The following MID1 variants were observed in gnomAD, a reference collection of about 807,000 sequenced individuals.
MID1 encodes the protein E3 ubiquitin-protein ligase Midline-1.
MID1 carries 7 observed loss-of-function variants against 40.4 expected under a neutral mutation model. That is an observed-to-expected ratio of 0.17 (90% confidence interval 0.10 to 0.33). MID1 has a LOEUF of 0.33. MID1 is among the 10% of genes least tolerant of loss of function. The pLI is 1.00. For missense variants in MID1, 367 were observed against 558.5 expected (o/e 0.66, Z 3.46); for synonymous variants, 229 against 221.2 (o/e 1.04, Z -0.31).
At chrX:10,497,639 T>G (rs1400921771) in intron 3 of MID1, among the ~76,000 whole-genome samples, 1 of 112,012 alleles carries the variant, frequency 8.9e-6, no homozygotes, top group Non-Finnish European at 1.9e-5. Flanking sequence ...TTGAGTCCCA[T>G]TCTATACTGA....
chrX:10,549,790 T>C (rs1380274081), intron 2 of MID1, among the ~76,000 whole-genome samples: 1 of 113,052 alleles, frequency 8.8e-6, no homozygotes, highest in Non-Finnish European at 1.9e-5. Flanking sequence ...GTAATCCCTG[T>C]GCAGCCAGGT....
chrX:10,536,146 G>C (rs1339207139), intron 2 of MID1, among the ~76,000 whole-genome samples: 1 of 111,392 alleles, frequency 9.0e-6, no homozygotes, highest in Non-Finnish European at 1.9e-5. Context: ...GATCGCCTGA[G>C]TTCAGGAGGT....
chrX:10,638,395 G>A (rs1036332717), intron 1 of MID1, among the ~76,000 whole-genome samples: 1 of 112,224 alleles, frequency 8.9e-6, no homozygotes, highest in African/African-American at 3.2e-5. Flanking sequence ...CACCCACAGA[G>A]CCTGGCTCAC....
At chrX:10,730,597 A>C (rs1361451425) in intron 1 of MID1, among the ~76,000 whole-genome samples, 1 of 81,690 alleles carries the variant, frequency 1.2e-5, no homozygotes, top group Non-Finnish European at 2.2e-5. Flanking sequence ...TCTGAGACGG[A>C]GTCTCGCTCT....
chrX:10,726,972 C>A (rs1370922815), intron 1 of MID1, among the ~76,000 whole-genome samples: 1 of 112,883 alleles, frequency 8.9e-6, no homozygotes, highest in Non-Finnish European at 1.9e-5. Context: ...TATTCCAAGA[C>A]TACTTTCTTG....
At chrX:10,464,918 C>T (rs923453247) in intron 7 of MID1, among the ~76,000 whole-genome samples, 5 of 110,845 alleles carry the variant, frequency 4.5e-5, no homozygotes, top group African/African-American at 1.6e-4. Flanking sequence ...GGTGCAGTGG[C>T]TCATGCCTGT....
chrX:10,705,862 T>C (rs772355767), intron 1 of MID1, among the ~76,000 whole-genome samples: 1 of 112,515 alleles, frequency 8.9e-6, no homozygotes, highest in African/African-American at 3.2e-5. Flanking sequence ...CACTTATTCA[T>C]TGAGCAAATA....
intron 2 of MID1, among the ~76,000 whole-genome samples, chrX:10,523,671 C>T (rs187555318): frequency 2.1e-4 from 24 of 112,047 alleles, no homozygotes; most frequent in Non-Finnish European, 3.8e-4. Flanking sequence ...CATTTATAGA[C>T]ATTTATGATA....
At chrX:10,484,094 G>C (rs1930489547) in intron 4 of MID1, among the ~76,000 whole-genome samples, 1 of 111,586 alleles carries the variant, frequency 9.0e-6, no homozygotes, top group South Asian at 3.7e-4. Flanking sequence ...TTAGCCTCTG[G>C]CATCATTCTA....
At chrX:10,683,770 CTTTTTTTTTTT>C (rs34917176) in intron 1 of MID1, among the ~76,000 whole-genome samples, 110 of 45,087 alleles carry the variant, frequency 2.4e-3, no homozygotes, top group Non-Finnish European at 3.1e-3. Context: ...TGCACGTCAT[CTTTTTTTTTTT>C]TTTTTTTTTT....
intron 1 of MID1, among the ~76,000 whole-genome samples, chrX:10,690,747 G>A (rs1403319840): frequency 8.9e-6 from 1 of 111,935 alleles, no homozygotes; most frequent in Non-Finnish European, 1.9e-5. Context: ...AGATCTGTAA[G>A]GCAGTTTTCC....
chrX:10,613,501 A>G (rs1362844450), intron 1 of MID1, among the ~76,000 whole-genome samples: 1 of 107,242 alleles, frequency 9.3e-6, no homozygotes, highest in East Asian at 2.9e-4. Context: ...ACAACTGCAC[A>G]TGGACCTAAG....
chrX:10,580,684 C>CAA (rs1453204696), intron 1 of MID1, among the ~76,000 whole-genome samples: 1 of 111,155 alleles, frequency 9.0e-6, no homozygotes, highest in Non-Finnish European at 1.9e-5. Flanking sequence ...TTTTGCGCTC[C>CAA]ATTAAAAATT....
chrX:10,696,298 CA>C (rs1374093178), intron 1 of MID1, among the ~76,000 whole-genome samples: 1 of 111,831 alleles, frequency 8.9e-6, no homozygotes, highest in Admixed American at 9.5e-5. Context: ...CAGCAACTCC[CA>C]AATGCTAGCA....
At chrX:10,755,330 G>A (rs767370632) in intron 1 of MID1, among the ~76,000 whole-genome samples, 7 of 111,452 alleles carry the variant, frequency 6.3e-5, no homozygotes, top group East Asian at 2.8e-4. Flanking sequence ...TCATTTTCCC[G>A]TATATAGATT....
intron 2 of MID1, among the ~76,000 whole-genome samples, chrX:10,538,416 C>T (rs1400896308): frequency 9.0e-6 from 1 of 111,344 alleles, no homozygotes; most frequent in Non-Finnish European, 1.9e-5. Flanking sequence ...AACAATCTTC[C>T]ATGAATCACT....
intron 3 of MID1, among the ~76,000 whole-genome samples, chrX:10,522,784 C>G (rs1932762291): frequency 8.9e-6 from 1 of 112,042 alleles, no homozygotes; most frequent in African/African-American, 3.2e-5. Flanking sequence ...GCGTGAGCCA[C>G]CACGCCCGGC....
At chrX:10,801,297 A>T (rs1280760952) in intron 1 of MID1, among the ~76,000 whole-genome samples, 2 of 112,169 alleles carry the variant, frequency 1.8e-5, no homozygotes, top group Admixed American at 1.9e-4. Flanking sequence ...ATTAGATAGA[A>T]ATGACACTGT....
intron 2 of MID1, among the ~76,000 whole-genome samples, chrX:10,540,285 A>G (rs1449503530): frequency 8.9e-6 from 1 of 111,847 alleles, no homozygotes; most frequent in African/African-American, 3.3e-5. Context: ...GGCCTTTACA[A>G]TGTTTCAAGA....
Sources: gnomAD v4.1 joint callset for allele counts (sites outside exome capture counted in the v4.1 genomes callset) on GRCh38, gnomAD v4.1.1 for gene constraint, MANE v1.5 for transcripts, NCBI Gene and HGNC (gene_info 2026-07-23, HGNC 2026-07-21) for gene names.